The following HS6ST3 variants were observed in gnomAD, a reference collection of about 807,000 sequenced individuals.
HS6ST3 encodes the protein heparan-sulfate 6-O-sulfotransferase 3.
A neutral mutation model predicts 36.7 loss-of-function variants in HS6ST3; 12 were observed. The ratio of observed to expected loss-of-function variants is 0.33; its 90% CI spans 0.21 to 0.53. The LOEUF is 0.53. Ranked by LOEUF, HS6ST3 falls within the 20% of genes least tolerant of loss-of-function variation. The pLI is 0.95. For missense variants in HS6ST3, 584 were observed against 640.9 expected, an observed-to-expected ratio of 0.91 and a Z score of 0.96; for synonymous variants, 240 against 257.5, an observed-to-expected ratio of 0.93 and a Z score of 0.65.
At chr13:96,616,441 T>C (rs1469662581) in intron 1 of HS6ST3, among the ~76,000 whole-genome samples, 2 of 152,160 alleles carry the variant, frequency 1.3e-5, no homozygotes, top group Non-Finnish European at 2.9e-5. Flanking sequence ...TAATACCTTC[T>C]TATTATCAGC....
chr13:96,605,529 T>C (rs2056435666), intron 1 of HS6ST3, among the ~76,000 whole-genome samples: 1 of 152,188 alleles, frequency 6.6e-6, no homozygotes, highest in Non-Finnish European at 1.5e-5. Context: ...ACATTGTTCA[T>C]ACGATCATCC....
At chr13:96,641,045 G>A (rs1179533610) in intron 1 of HS6ST3, among the ~76,000 whole-genome samples, 1 of 151,818 alleles carries the variant, frequency 6.6e-6, no homozygotes, top group African/African-American at 2.4e-5. Context: ...CTCCTTTTTG[G>A]TTCTATATGA....
chr13:96,371,367 C>T (rs1448035971), intron 1 of HS6ST3, among the ~76,000 whole-genome samples: 1 of 151,978 alleles, frequency 6.6e-6, no homozygotes, highest in East Asian at 1.9e-4. Context: ...TTAAGGTGTA[C>T]AATGTGATGT....
At position 96,091,477 on chromosome 13, in the gene HS6ST3, C is replaced by G. The variant is rs768156865; in HGVS notation, c.615C>G (p.Ser205Arg). The change falls in exon 1 of 2, where the codon AGC (serine) becomes AGG (arginine). Residue 205 changes from serine to arginine, a missense_variant. By Grantham distance (110) the Ser-to-Arg change is moderately radical. This residue lies in a region of HS6ST3 where 360 missense variants were observed against 411.3 expected (regional missense o/e 0.88). Transcript: ENST00000376705. The part of the protein sequence containing the change: ...WLFSRFSTGW[S>R]CGLHADWTEL... ...TCTCCCGCTTCTCCACCGGCTGGAG[C>G]TGCGGGCTGCACGCCGACTGGACGG... 1 of 1,606,016 alleles carries G rather than the reference C, an allele frequency of 6.2e-7. No homozygotes were observed. Among genetic ancestry groups the G allele is most frequent in the Non-Finnish European group, 8.5e-7 (1 of 1,177,710 alleles).
intron 1 of HS6ST3, among the ~76,000 whole-genome samples, chr13:96,104,952 C>T (rs1253251130): frequency 6.6e-6 from 1 of 151,446 alleles, no homozygotes; most frequent in Non-Finnish European, 1.5e-5. Flanking sequence ...AAAACAAAGC[C>T]TGGGTATCCT....
rs1281495937 is a variant in HS6ST3 at position 96,254,486 on chromosome 13, TATATATATATATACACATAC to T, written c.707+162921_707+162940del. 5.9e-3 allele frequency among the ~76,000 whole-genome samples: 79 copies of T among 13,304 alleles called. 5 individuals carry two copies. Among genetic ancestry groups the T allele is most frequent in the Middle Eastern group, 0.029 (1 of 34 alleles). 8.7% of individuals were successfully genotyped at this position (13,304 alleles called of 152,430 possible). On this transcript the variant is annotated intron_variant, in intron 1 of 1. Coordinates refer to ENST00000376705, the MANE Select transcript of HS6ST3 (RefSeq NM_153456.4). ...ATATATATATATATATATATATATA[TATATATATATATACACATAC>T]ATACACACACACACTTTTTTCTTTT... is the stretch of plus-strand genomic sequence containing the variant.
At chr13:96,655,731 C>G (rs1034481781) in intron 1 of HS6ST3, among the ~76,000 whole-genome samples, 1 of 152,052 alleles carries the variant, frequency 6.6e-6, no homozygotes, top group African/African-American at 2.4e-5. Context: ...CTTGTCCCTT[C>G]CATACTAACC....
At chr13:96,368,379 G>A (rs758487933) in intron 1 of HS6ST3, among the ~76,000 whole-genome samples, 1 of 151,866 alleles carries the variant, frequency 6.6e-6, no homozygotes, top group Non-Finnish European at 1.5e-5. Flanking sequence ...ATTATATTAA[G>A]CTTTACTATA....
At chr13:96,415,257 G>T (rs1292760113) in intron 1 of HS6ST3, among the ~76,000 whole-genome samples, 1 of 152,116 alleles carries the variant, frequency 6.6e-6, no homozygotes, top group African/African-American at 2.4e-5. Flanking sequence ...GGGAACCTAT[G>T]AGGAGAGGGA....
At chr13:96,654,494 G>A (rs2056618061) in intron 1 of HS6ST3, among the ~76,000 whole-genome samples, 1 of 152,108 alleles carries the variant, frequency 6.6e-6, no homozygotes, top group African/African-American at 2.4e-5. Context: ...GTTTTTGTCA[G>A]GTTTGTCAAA....
chr13:96,344,044 G>A (rs148944513), intron 1 of HS6ST3, among the ~76,000 whole-genome samples: 29 of 152,020 alleles, frequency 1.9e-4, no homozygotes, highest in Admixed American at 4.6e-4. Flanking sequence ...ACTGGGCCTC[G>A]TTATTACAGT....
chr13:96,114,757 A>G (rs2053885936), intron 1 of HS6ST3, among the ~76,000 whole-genome samples: 1 of 152,226 alleles, frequency 6.6e-6, no homozygotes, highest in Non-Finnish European at 1.5e-5. Context: ...AAAAACCCCC[A>G]AATAAATAAA....
intron 1 of HS6ST3, among the ~76,000 whole-genome samples, chr13:96,684,189 GAATAA>G (rs1328679265): frequency 6.6e-6 from 1 of 151,974 alleles, no homozygotes; most frequent in Non-Finnish European, 1.5e-5. Flanking sequence ...CTAGGAATCT[GAATAA>G]AATAATGTGT....
intron 1 of HS6ST3, among the ~76,000 whole-genome samples, chr13:96,218,010 T>C (rs1364159477): frequency 6.6e-6 from 1 of 152,132 alleles, no homozygotes; most frequent in Non-Finnish European, 1.5e-5. Context: ...ATGAATACAT[T>C]TTCATGAGTC....
At chr13:96,592,575 C>A (rs1056248285) in intron 1 of HS6ST3, among the ~76,000 whole-genome samples, 1 of 152,106 alleles carries the variant, frequency 6.6e-6, no homozygotes, top group Non-Finnish European at 1.5e-5. Flanking sequence ...TAAAATACTC[C>A]CTTTAGCATT....
chr13:96,335,942 G>T (rs2055098853), intron 1 of HS6ST3, among the ~76,000 whole-genome samples: 1 of 152,054 alleles, frequency 6.6e-6, no homozygotes, highest in Non-Finnish European at 1.5e-5. Flanking sequence ...AAACCTAAGT[G>T]TTTGACATTT....
At chr13:96,720,031 ACAC>A (rs1425876307) in intron 1 of HS6ST3, among the ~76,000 whole-genome samples, 3 of 152,162 alleles carry the variant, frequency 2.0e-5, no homozygotes, top group Admixed American at 6.5e-5. Flanking sequence ...GGGGCTCCAG[ACAC>A]CAAAGCATCA....
At chr13:96,578,781 A>G (rs1441328207) in intron 1 of HS6ST3, among the ~76,000 whole-genome samples, 1 of 152,024 alleles carries the variant, frequency 6.6e-6, no homozygotes, top group African/African-American at 2.4e-5. Flanking sequence ...GCTGGTCTTG[A>G]ATTCCTGACC....
At chr13:96,472,511 C>G (rs1384045803) in intron 1 of HS6ST3, among the ~76,000 whole-genome samples, 1 of 152,204 alleles carries the variant, frequency 6.6e-6, no homozygotes, top group Non-Finnish European at 1.5e-5. Flanking sequence ...GGAAGCCCTC[C>G]ATGATTCCAT....
Sources: allele counts gnomAD v4.1 joint callset (sites outside exome capture counted in the v4.1 genomes callset), GRCh38; gene constraint gnomAD v4.1.1; regional missense constraint gnomAD v4.1.1; transcripts MANE v1.5; gene names NCBI Gene and HGNC (gene_info 2026-07-23, HGNC 2026-07-21).